The following ALK variants were observed in gnomAD, a reference collection of about 807,000 sequenced individuals.
ALK encodes ALK receptor tyrosine kinase.
ALK carries 74 observed loss-of-function variants against 163.1 expected under a neutral mutation model. The ratio of observed to expected loss-of-function variants is 0.45; its 90% CI spans 0.38 to 0.55. ALK has a LOEUF of 0.55. Ranked by LOEUF, ALK falls within the 20% of genes least tolerant of loss-of-function variation. ALK has a pLI of 0.00. For synonymous variants in ALK, 960 were observed against 843.2 expected (o/e 1.14, Z -2.40); for missense variants, 2,063 against 2,105.3 (o/e 0.98, Z 0.39).
chr2:29,201,019 A>T (rs545621927), intron 26 of ALK, among the ~76,000 whole-genome samples: 1 of 151,962 alleles, frequency 6.6e-6, no homozygotes, highest in African/African-American at 2.4e-5. Flanking sequence ...TAAAATATCA[A>T]GCTGTTCTGT....
intron 2 of ALK, among the ~76,000 whole-genome samples, chr2:29,698,818 C>A (rs1678648052): frequency 6.6e-6 from 1 of 152,210 alleles, no homozygotes. Flanking sequence ...CTCCTTTTAG[C>A]TGTTAAAGCT....
At chr2:29,446,798 A>G (rs1670696069) in intron 4 of ALK, among the ~76,000 whole-genome samples, 3 of 152,238 alleles carry the variant, frequency 2.0e-5, no homozygotes, top group African/African-American at 4.8e-5. Context: ...CTGGTGGCCA[A>G]AGGCTGTCTG....
intron 4 of ALK, among the ~76,000 whole-genome samples, chr2:29,529,183 C>T (rs985326599): frequency 2.6e-5 from 4 of 152,184 alleles, no homozygotes; most frequent in Admixed American, 6.5e-5. Context: ...CAGTGGTTTC[C>T]GGGGAACTTG....
At chr2:29,726,876 A>G (rs1679590703) in intron 1 of ALK, among the ~76,000 whole-genome samples, 1 of 152,240 alleles carries the variant, frequency 6.6e-6, no homozygotes, top group Non-Finnish European at 1.5e-5. Context: ...CCAAGGTCAC[A>G]TTGCCAGTGA....
At chr2:29,578,984 T>C (rs1215217475) in intron 3 of ALK, among the ~76,000 whole-genome samples, 1 of 152,106 alleles carries the variant, frequency 6.6e-6, no homozygotes, top group South Asian at 2.1e-4. Flanking sequence ...AGGGAGAAAG[T>C]CTAAAAAGCA....
chr2:29,642,679 G>T (rs1676739456), intron 3 of ALK, among the ~76,000 whole-genome samples: 1 of 151,898 alleles, frequency 6.6e-6, no homozygotes, highest in Admixed American at 6.6e-5. Context: ...TCCTGTCTCA[G>T]ACTCAACTCT....
intron 3 of ALK, among the ~76,000 whole-genome samples, chr2:29,645,550 T>C (rs1676848515): frequency 6.6e-6 from 1 of 152,138 alleles, no homozygotes; most frequent in Non-Finnish European, 1.5e-5. Flanking sequence ...GTAGGAGCTT[T>C]TTCGCTTTAC....
At chr2:29,703,693 T>A (rs975764112) in intron 2 of ALK, among the ~76,000 whole-genome samples, 3 of 152,242 alleles carry the variant, frequency 2.0e-5, no homozygotes, top group African/African-American at 7.2e-5. Flanking sequence ...CACATGACCA[T>A]GACCATTTCT....
intron 3 of ALK, among the ~76,000 whole-genome samples, chr2:29,641,141 G>A (rs1353607999): frequency 1.3e-5 from 2 of 152,094 alleles, no homozygotes; most frequent in Admixed American, 6.6e-5. Context: ...CCAAGGATTT[G>A]TGTTTTATCC....
intron 3 of ALK, among the ~76,000 whole-genome samples, chr2:29,610,944 A>T (rs1298430756): frequency 6.6e-6 from 1 of 152,128 alleles, no homozygotes; most frequent in African/African-American, 2.4e-5. Context: ...AATGTATGAG[A>T]GGTGTCTGGG....
chr2:29,573,471 A>G (rs929075492), intron 3 of ALK, among the ~76,000 whole-genome samples: 8 of 152,220 alleles, frequency 5.3e-5, no homozygotes, highest in African/African-American at 1.9e-4. Flanking sequence ...AAAGCAAACA[A>G]AAGAAGACTA....
intron 1 of ALK, among the ~76,000 whole-genome samples, chr2:29,802,239 A>C (rs941329575): frequency 2.7e-5 from 4 of 150,130 alleles, no homozygotes; most frequent in Non-Finnish European, 5.9e-5. Flanking sequence ...GGTTGATTGC[A>C]CTGGGCAACT....
intron 3 of ALK, among the ~76,000 whole-genome samples, chr2:29,667,642 C>A (rs1483545312): frequency 6.6e-6 from 1 of 151,910 alleles, no homozygotes; most frequent in Non-Finnish European, 1.5e-5. Context: ...ATAAATCCCA[C>A]TTGGTCATGG....
chr2:29,206,258 CTT>C (rs1669306803), intron 26 of ALK, among the ~76,000 whole-genome samples: 1 of 149,376 alleles, frequency 6.7e-6, no homozygotes, highest in Admixed American at 6.7e-5. Flanking sequence ...CCCTCCCTTT[CTT>C]TCTTTCTCTC....
chr2:29,196,748 C>T (rs1669032026), intron 28 of ALK, 22 bp downstream of exon 28: 2 of 1,577,050 alleles, frequency 1.3e-6, no homozygotes, highest in African/African-American at 2.7e-5. Context: ...TAAATGTTGA[C>T]CAAAGGGAGA....
rs370170353 is a variant in ALK, at chr2:29,223,410, G to A, written c.3291C>T (p.Cys1097=). ...TIMTDYNPNY[C]FAGKTSSISD... is the part of the protein sequence containing the mutation. ...TGATGGAGGAGGTCTTGCCAGCAAA[G>A]CAGTAGTTGGGGTTGTAGTCGGTCA... Residue 1097 remains cysteine, a synonymous_variant, in exon 20 of 29, where the codon TGC becomes TGT. Coordinates refer to ENST00000389048, the MANE Select transcript of ALK (RefSeq NM_004304.5). 4.3e-5 allele frequency: 69 copies of A among 1,614,222 alleles called. No homozygotes were observed. In the African/African-American group the frequency reaches 8.4e-4, roughly 20 times the overall value.
At chr2:29,241,712 C>A (rs1002342367) in intron 12 of ALK, among the ~76,000 whole-genome samples, 4 of 152,084 alleles carry the variant, frequency 2.6e-5, no homozygotes, top group Admixed American at 2.6e-4. Context: ...TTGGAGAGGG[C>A]TGTGGGCTGA....
At chr2:29,817,563 A>G (rs1358452905) in intron 1 of ALK, among the ~76,000 whole-genome samples, 3 of 152,188 alleles carry the variant, frequency 2.0e-5, no homozygotes, top group Non-Finnish European at 4.4e-5. Flanking sequence ...AAACAGAAAG[A>G]GTGCTTAGGG....
At chr2:29,430,454 C>T (rs909313841) in intron 4 of ALK, among the ~76,000 whole-genome samples, 3 of 152,184 alleles carry the variant, frequency 2.0e-5, no homozygotes, top group Non-Finnish European at 4.4e-5. Flanking sequence ...GCTTGAGGGC[C>T]ATACAGTCTT....
Sources: gnomAD v4.1 joint callset for allele counts (sites outside exome capture counted in the v4.1 genomes callset) on GRCh38, gnomAD v4.1.1 for gene constraint, MANE v1.5 for transcripts, NCBI Gene and HGNC (gene_info 2026-07-23, HGNC 2026-07-21) for gene names.